Variants in FAM222A observed in about 807,000 individuals in gnomAD.
FAM222A encodes family with sequence similarity 222 member A, also known as protein FAM222A.
A neutral mutation model predicts 25.8 loss-of-function variants in FAM222A; 7 were observed. That is an observed-to-expected ratio of 0.27 (90% CI 0.15 to 0.51). The LOEUF is 0.51. FAM222A is among the 20% of genes least tolerant of loss of function. FAM222A has a pLI of 0.97. For synonymous variants in FAM222A, 294 were observed against 298.8 expected, an observed-to-expected ratio of 0.98 and a Z score of 0.17; for missense variants, 573 against 640.5, an observed-to-expected ratio of 0.89 and a Z score of 1.14.
chr12:109,760,049 T>C (rs1888848829), intron 2 of FAM222A, among the ~76,000 whole-genome samples: 3 of 152,082 alleles, frequency 2.0e-5, no homozygotes, highest in Admixed American at 6.5e-5. Flanking sequence ...GCCAGGGGTA[T>C]GTAGGCAACC....
At chr12:109,716,128 G>T (rs1057094868) in intron 1 of FAM222A, among the ~76,000 whole-genome samples, 1 of 152,154 alleles carries the variant, frequency 6.6e-6, no homozygotes, top group Non-Finnish European at 1.5e-5. Flanking sequence ...CAGTGCCAAG[G>T]TCTGAATAAA....
chr12:109,718,003 G>T (rs1394409434), intron 1 of FAM222A, among the ~76,000 whole-genome samples: 3 of 152,194 alleles, frequency 2.0e-5, no homozygotes, highest in African/African-American at 7.2e-5. Flanking sequence ...CCGCTTGCAG[G>T]CTGTGTGACC....
At position 109,768,054 on chromosome 12, in the gene FAM222A, G is replaced by A; in HGVS notation, c.125G>A (p.Ser42Asn). Residue 42 changes from serine to asparagine, a missense_variant, in exon 3 of 3, where the codon AGC becomes AAC. Physicochemically the swap from Ser to Asn is conservative, Grantham distance 46. This residue lies in a region of FAM222A where 112 missense variants were observed against 154.6 expected (regional missense o/e 0.72). Transcript: ENST00000538780. ...ASAMHSSRYP[S>N]PAELDAYAEK... ...GCCATGCATTCCTCCCGCTACCCGA[G>A]CCCAGCAGAACTGGACGCCTATGCC... 1 of 1,613,774 alleles carries A rather than the reference G, an allele frequency of 6.2e-7. No individual in the cohort carries two copies. Among genetic ancestry groups the A allele is most frequent in the Non-Finnish European group, 8.5e-7 (1 of 1,180,012 alleles).
intron 1 of FAM222A, among the ~76,000 whole-genome samples, chr12:109,732,014 C>T (rs755864631): frequency 1.3e-5 from 2 of 152,172 alleles, no homozygotes; most frequent in African/African-American, 2.4e-5. Flanking sequence ...CAAGCCACAC[C>T]ATCTGTGGAC....
At chr12:109,740,934 C>A (rs1274854282) in intron 1 of FAM222A, among the ~76,000 whole-genome samples, 1 of 152,128 alleles carries the variant, frequency 6.6e-6, no homozygotes, top group South Asian at 2.1e-4. Context: ...ATCAGGGTCA[C>A]GGTGCCGTAG....
chr12:109,732,900 C>G (rs921472982), intron 1 of FAM222A, among the ~76,000 whole-genome samples: 1 of 152,280 alleles, frequency 6.6e-6, no homozygotes, highest in Non-Finnish European at 1.5e-5. Context: ...ATCGTGCAGA[C>G]ACAGTAGAAC....
intron 1 of FAM222A, among the ~76,000 whole-genome samples, chr12:109,742,989 C>T (rs1292335478): frequency 6.6e-6 from 1 of 152,162 alleles, no homozygotes; most frequent in African/African-American, 2.4e-5. Flanking sequence ...TTCAACACCC[C>T]CTCTGCTTTC....
chr12:109,720,011 C>A, intron 1 of FAM222A: 1 of 805,358 alleles, frequency 1.2e-6, no homozygotes, highest in Non-Finnish European at 1.5e-6. Context: ...TCCTCTTGTT[C>A]AGGAGAGTCT....
chr12:109,754,772 A>T (rs181915278), intron 2 of FAM222A, among the ~76,000 whole-genome samples: 2 of 151,672 alleles, frequency 1.3e-5, no homozygotes, highest in Admixed American at 1.3e-4. Context: ...GGCTTCAGTG[A>T]TACTCCCACC....
intron 1 of FAM222A, among the ~76,000 whole-genome samples, chr12:109,726,119 T>TAAAA (rs11464580): frequency 9.1e-6 from 1 of 110,358 alleles, no homozygotes. Flanking sequence ...AAAAAATTGC[T>TAAAA]AAAAAAAAAA....
At chr12:109,738,512 C>T (rs1486886876) in intron 1 of FAM222A, among the ~76,000 whole-genome samples, 1 of 152,190 alleles carries the variant, frequency 6.6e-6, no homozygotes, top group African/African-American at 2.4e-5. Context: ...GGGAGGGCTC[C>T]CTCACCACCC....
intron 1 of FAM222A, among the ~76,000 whole-genome samples, chr12:109,729,637 CAG>C (rs1457462450): frequency 5.3e-5 from 8 of 152,276 alleles, no homozygotes; most frequent in African/African-American, 1.9e-4. Flanking sequence ...GCAACACACA[CAG>C]ACGCGCGCAC....
rs1320579647 is a variant in FAM222A at position 109,768,442 on chromosome 12, C to T, written c.513C>T (p.Gly171=). 6.3e-7 allele frequency: 1 copy of T among 1,599,722 alleles called. No homozygotes were observed. Among genetic ancestry groups the T allele is most frequent in the East Asian group, 2.2e-5 (1 of 44,824 alleles). The change falls in exon 3 of 3, where the codon GGC becomes GGT. Residue 171 remains glycine, a synonymous_variant. Transcript: ENST00000538780. Reference sequence around the variant, plus strand: ...CTGAGGCGCCTGCTCCACCACCCGGCCTGCCCGCAGCCGCCACTGCCGCCT... The same window carrying T: ...CTGAGGCGCCTGCTCCACCACCCGGTCTGCCCGCAGCCGCCACTGCCGCCT... ...KPPEAPAPPP[G]LPAAATAASV...
intron 1 of FAM222A, among the ~76,000 whole-genome samples, chr12:109,733,388 G>A (rs919715703): frequency 3.3e-5 from 5 of 151,894 alleles, no homozygotes; most frequent in African/African-American, 1.2e-4. Flanking sequence ...AATTACATAT[G>A]AGGCTCCCAT....
At chr12:109,738,138 AAG>A (rs1452246309) in intron 1 of FAM222A, among the ~76,000 whole-genome samples, 5 of 152,078 alleles carry the variant, frequency 3.3e-5, no homozygotes, top group Non-Finnish European at 4.4e-5. Flanking sequence ...GGGAGCCCCT[AAG>A]GGGGTTGGGG....
At chr12:109,755,287 C>CTTTTTTTTT (rs540689300) in intron 2 of FAM222A, among the ~76,000 whole-genome samples, 4 of 49,426 alleles carry the variant, frequency 8.1e-5, no homozygotes, top group African/African-American at 8.9e-5. Flanking sequence ...TGTAATTCTT[C>CTTTTTTTTT]TTTTTTTTTT....
At chr12:109,759,079 A>C (rs959360682) in intron 2 of FAM222A, among the ~76,000 whole-genome samples, 1 of 152,192 alleles carries the variant, frequency 6.6e-6, no homozygotes, top group Non-Finnish European at 1.5e-5. Context: ...GGGTATGCCC[A>C]GTGAAGCAGT....
intron 1 of FAM222A, among the ~76,000 whole-genome samples, chr12:109,737,754 G>A (rs991105046): frequency 3.9e-5 from 6 of 152,184 alleles, no homozygotes; most frequent in African/African-American, 1.4e-4. Flanking sequence ...CAGGAGAGGG[G>A]TTAAAGAAAA....
In FAM222A at chr12:109,769,314, T is replaced by C. The variant is rs1292759724; in HGVS notation, c.*26T>C. On this transcript the variant is annotated 3_prime_UTR_variant, in exon 3 of 3. Transcript: ENST00000538780. ...GGCCTGCCCTGCGGACATACGGACA[T>C]GCGGACAGGGCGCAGAGCCGGGAGG... 1.0e-5 allele frequency: 16 copies of C among 1,578,256 alleles called. No homozygotes were observed. Among genetic ancestry groups the C allele is most frequent in the Non-Finnish European group, 1.4e-5 (16 of 1,162,270 alleles).
Sources: gnomAD v4.1 joint callset for allele counts (sites outside exome capture counted in the v4.1 genomes callset) on GRCh38, gnomAD v4.1.1 for gene constraint, gnomAD v4.1.1 regional missense constraint, MANE v1.5 for transcripts, NCBI Gene and HGNC (gene_info 2026-07-23, HGNC 2026-07-21) for gene names.